Variants in GRIP1 observed in about 807,000 individuals in gnomAD.
GRIP1 encodes glutamate receptor-interacting protein 1.
Under a neutral mutation model 129.9 loss-of-function variants are expected in GRIP1, and 45 were observed. That is an observed-to-expected ratio of 0.35 (90% CI 0.27 to 0.44). The LOEUF is 0.44. GRIP1 is among the 20% of genes least tolerant of loss of function. The pLI is 1.00. For synonymous variants in GRIP1, 530 were observed against 520.8 expected (o/e 1.02, Z -0.24); for missense variants, 1,196 against 1,396.8 (o/e 0.86, Z 2.29).
At chr12:66,883,494 A>G (rs2040514642) in intron 1 of GRIP1, among the ~76,000 whole-genome samples, 1 of 152,214 alleles carries the variant, frequency 6.6e-6, no homozygotes, top group Non-Finnish European at 1.5e-5. Flanking sequence ...TTACATCAGT[A>G]GACACATTCA....
At chr12:66,977,807 ATTTTTTTTTTTTTTTT>A (rs200381983) in intron 1 of GRIP1, among the ~76,000 whole-genome samples, 1,516 of 60,404 alleles carry the variant, frequency 0.025, 111 homozygotes, top group East Asian at 0.17. Flanking sequence ...AGAGCTGAGC[ATTTTTTTTTTTTTTTT>A]TTTTTTTTTT....
intron 15 of GRIP1, among the ~76,000 whole-genome samples, chr12:66,413,468 A>C (rs2137747532): frequency 6.6e-6 from 1 of 152,274 alleles, no homozygotes; most frequent in South Asian, 2.1e-4. Context: ...GCTACCAACC[A>C]AAAAAATCCC....
chr12:66,406,631 T>C (rs551223196), intron 15 of GRIP1, among the ~76,000 whole-genome samples: 1 of 152,346 alleles, frequency 6.6e-6, no homozygotes, highest in Non-Finnish European at 1.5e-5. Flanking sequence ...TTGCAGAGTA[T>C]TAAAAACATT....
chr12:66,988,553 A>C (rs1384648064), intron 1 of GRIP1, among the ~76,000 whole-genome samples: 1 of 151,718 alleles, frequency 6.6e-6, no homozygotes, highest in East Asian at 1.9e-4. Context: ...GTAATTTTTG[A>C]ATTTTTTGTA....
At chr12:66,593,694 C>T (rs74605192) in intron 2 of GRIP1, among the ~76,000 whole-genome samples, 6,009 of 152,164 alleles carry the variant, frequency 0.039, 303 homozygotes, top group African/African-American at 0.11. Flanking sequence ...CTAATATGAA[C>T]GGTCAAATCC....
At chr12:67,012,384 T>C (rs1016374625) in intron 1 of GRIP1, among the ~76,000 whole-genome samples, 6 of 152,154 alleles carry the variant, frequency 3.9e-5, no homozygotes, top group Non-Finnish European at 8.8e-5. Flanking sequence ...CCCTGGGTTA[T>C]CTAATGAGAG....
intron 1 of GRIP1, among the ~76,000 whole-genome samples, chr12:66,865,562 C>T (rs879314228): frequency 6.6e-6 from 1 of 151,346 alleles, no homozygotes; most frequent in Non-Finnish European, 1.5e-5. Flanking sequence ...AAAAGGTCAA[C>T]AACACATTCT....
At chr12:66,678,172 T>C (rs773682439) in intron 1 of GRIP1, among the ~76,000 whole-genome samples, 1 of 152,144 alleles carries the variant, frequency 6.6e-6, no homozygotes. Context: ...AATAAAATAA[T>C]ACCTTAAATA....
intron 1 of GRIP1, among the ~76,000 whole-genome samples, chr12:66,719,283 G>A (rs2035987084): frequency 6.6e-6 from 1 of 152,118 alleles, no homozygotes; most frequent in Admixed American, 6.6e-5. Context: ...TTCCCATGGA[G>A]GAAGAATTTT....
At chr12:66,640,968 G>A (rs927353451) in intron 1 of GRIP1, among the ~76,000 whole-genome samples, 2 of 152,110 alleles carry the variant, frequency 1.3e-5, no homozygotes, top group African/African-American at 2.4e-5. Context: ...AAAATCCAAC[G>A]CAAGAGTGCC....
rs1034959821 is a variant in GRIP1 at position 67,044,472 on chromosome 12, A to T, written c.58+24578T>A. On this transcript the variant is annotated intron_variant, in intron 1 of 1. Coordinates refer to the GRIP1 transcript ENST00000643019. The stretch of plus-strand genomic sequence containing the variant: ...CTATAGAAAATAAAAGTGCTAAAAA[A>T]ATTTTCTTACAGATTTTTCTAAGTG... 5.9e-5 allele frequency among the ~76,000 whole-genome samples: 9 copies of T among 152,158 alleles called. 1 individual carries two copies. Among genetic ancestry groups the T allele is most frequent in the Non-Finnish European group, 1.3e-4 (9 of 68,016 alleles).
chr12:66,393,368 G>T (rs1477454782), intron 17 of GRIP1, among the ~76,000 whole-genome samples: 1 of 151,834 alleles, frequency 6.6e-6, no homozygotes, highest in Non-Finnish European at 1.5e-5. Context: ...TAGTAGAGAT[G>T]AGGTTTCCCC....
intron 1 of GRIP1, among the ~76,000 whole-genome samples, chr12:67,007,939 A>AC (rs1272548592): frequency 5.9e-5 from 9 of 151,984 alleles, no homozygotes; most frequent in African/African-American, 2.2e-4. Context: ...AACAACAACA[A>AC]AAAAAAATCA....
chr12:66,433,283 G>T (rs375136166), intron 13 of GRIP1, among the ~76,000 whole-genome samples: 5 of 33,916 alleles, frequency 1.5e-4, no homozygotes, highest in Admixed American at 4.6e-4. Flanking sequence ...AACAGTACTG[G>T]TTATCAATCA....
intron 1 of GRIP1, among the ~76,000 whole-genome samples, chr12:67,042,504 CACAGGAT>C (rs1184033114): frequency 6.6e-6 from 1 of 152,156 alleles, no homozygotes; most frequent in Non-Finnish European, 1.5e-5. Context: ...TATTTCAACT[CACAGGAT>C]ACAAATATCC....
intron 16 of GRIP1, among the ~76,000 whole-genome samples, chr12:66,401,112 T>A (rs2056971121): frequency 6.6e-6 from 1 of 152,060 alleles, no homozygotes; most frequent in Non-Finnish European, 1.5e-5. Context: ...GTGGCTGAAT[T>A]CAGAGTGAGG....
chr12:66,896,941 C>T (rs535864084), intron 1 of GRIP1, among the ~76,000 whole-genome samples: 51 of 152,280 alleles, frequency 3.3e-4, no homozygotes, highest in Middle Eastern at 6.8e-3. Flanking sequence ...AGACCTGTTC[C>T]GAAGGCAACA....
chr12:66,874,441 G>A (rs1262600655), intron 1 of GRIP1, among the ~76,000 whole-genome samples: 8 of 151,896 alleles, frequency 5.3e-5, no homozygotes, highest in Non-Finnish European at 1.0e-4. Context: ...ATGATATGGT[G>A]TATTAGTCCA....
chr12:66,370,815 T>C (rs892670037), intron 23 of GRIP1, among the ~76,000 whole-genome samples: 5 of 152,166 alleles, frequency 3.3e-5, no homozygotes, highest in African/African-American at 1.2e-4. Context: ...GAATTCAGCT[T>C]TGTGTGCAAG....
Sources: allele counts gnomAD v4.1 joint callset (sites outside exome capture counted in the v4.1 genomes callset), GRCh38; gene constraint gnomAD v4.1.1; transcripts MANE v1.5; gene names NCBI Gene and HGNC (gene_info 2026-07-23, HGNC 2026-07-21).